The following NEK10 variants were observed in gnomAD, a reference collection of about 807,000 sequenced individuals.
NEK10 encodes the protein NIMA related kinase 10.
A neutral mutation model predicts 159.8 loss-of-function variants in NEK10; 122 were observed. The ratio of observed to expected loss-of-function variants is 0.76; its 90% CI spans 0.66 to 0.89. The LOEUF (loss-of-function observed/expected upper bound fraction) is 0.89, where lower values mean the gene tolerates loss of function less well. NEK10 is among the 40% of genes least tolerant of loss of function. The pLI, the probability that NEK10 is intolerant of heterozygous loss-of-function variation, is 0.00. For synonymous variants in NEK10, 466 were observed against 457.1 expected (o/e 1.02, Z -0.25); for missense variants, 1,342 against 1,323.1 (o/e 1.01, Z -0.22).
chr3:27,252,801 C>T (rs1053608916), intron 23 of NEK10: 2 of 449,720 alleles, frequency 4.4e-6, no homozygotes, highest in African/African-American at 2.0e-5. Flanking sequence ...GATGAAACAG[C>T]TAGGAATTGT....
chr3:27,162,506 A>G (rs1946108601), intron 30 of NEK10, 195 bp downstream of exon 30: 1 of 1,614,180 alleles, frequency 6.2e-7, no homozygotes, highest in African/African-American at 1.3e-5. Context: ...AGGCTATGGG[A>G]CTGCCACCCT....
intron 22 of NEK10, among the ~76,000 whole-genome samples, chr3:27,272,164 C>G (rs1301940295): frequency 6.6e-6 from 1 of 152,194 alleles, no homozygotes; most frequent in Non-Finnish European, 1.5e-5. Flanking sequence ...TGTTCACAAC[C>G]TTTCACCCAT....
At chr3:27,181,091 A>G (rs1948054672) in intron 26 of NEK10, among the ~76,000 whole-genome samples, 1 of 151,976 alleles carries the variant, frequency 6.6e-6, no homozygotes, top group African/African-American at 2.4e-5. Flanking sequence ...GCCTTCAGAT[A>G]TTTGCAGAGG....
chr3:27,291,280 A>G lies in NEK10; in HGVS notation c.1587T>C (p.Ala529=). 6.2e-7 allele frequency: 1 copy of G among 1,613,440 alleles called. No homozygotes were observed. The highest frequency in any genetic ancestry group is 8.5e-7 in the Non-Finnish European group (1 of 1,179,750). Residue 529 remains alanine, a synonymous_variant, in exon 18 of 36, where the codon GCT becomes GCC. Transcript: ENST00000691995. ...AAGTCACCTTGTAAACACAGCCAAA[A>G]GCTCCACTTCCAAGATGATCCAAAA... The part of the protein sequence containing the change: ...YAILDHLGSG[A]FGCVYKVRKH...
chr3:27,154,787 G>C (rs777180090), intron 30 of NEK10, among the ~76,000 whole-genome samples: 5 of 152,088 alleles, frequency 3.3e-5, no homozygotes, highest in Non-Finnish European at 7.4e-5. Context: ...TGGCATACAA[G>C]GGACATACCT....
intron 6 of NEK10, 26 bp from the exon 7 acceptor site, chr3:27,314,364 C>G: frequency 6.7e-7 from 1 of 1,484,762 alleles, no homozygotes; most frequent in Non-Finnish European, 9.3e-7. Context: ...CAACAAAACA[C>G]ATGTAAATGA....
At chr3:27,269,625 C>T (rs1158030178) in intron 22 of NEK10, among the ~76,000 whole-genome samples, 2 of 152,156 alleles carry the variant, frequency 1.3e-5, no homozygotes, top group Non-Finnish European at 2.9e-5. Context: ...ATAATGTGAA[C>T]ACAACGTGTA....
chr3:27,136,103 ATTTT>A (rs775843715), intron 31 of NEK10, among the ~76,000 whole-genome samples: 58 of 60,694 alleles, frequency 9.6e-4, no homozygotes, highest in African/African-American at 3.1e-3. Context: ...TAGGAGATCG[ATTTT>A]TTTTTTTTTT....
intron 23 of NEK10, among the ~76,000 whole-genome samples, chr3:27,221,135 T>C (rs1324972418): frequency 6.6e-6 from 1 of 152,218 alleles, no homozygotes; most frequent in Non-Finnish European, 1.5e-5. Context: ...GAATGACTCT[T>C]AAGCACAAGC....
At chr3:27,276,957 C>T (rs1468105975) in intron 22 of NEK10, among the ~76,000 whole-genome samples, 2 of 152,202 alleles carry the variant, frequency 1.3e-5, no homozygotes, top group Non-Finnish European at 2.9e-5. Flanking sequence ...TCAACAGTCT[C>T]TCTTACAATG....
intron 25 of NEK10, 72 bp from the exon 26 acceptor site, chr3:27,192,314 G>C: frequency 9.2e-7 from 1 of 1,089,788 alleles, no homozygotes; most frequent in African/African-American, 1.6e-5. Context: ...AAAGGGTCAA[G>C]GTTAAACTCC....
At chr3:27,213,351 A>C (rs1951185354) in intron 23 of NEK10, among the ~76,000 whole-genome samples, 1 of 152,048 alleles carries the variant, frequency 6.6e-6, no homozygotes, top group Non-Finnish European at 1.5e-5. Flanking sequence ...ATTAAAACTG[A>C]TCTTTGCTGT....
intron 29 of NEK10, among the ~76,000 whole-genome samples, chr3:27,169,634 T>C (rs1234627989): frequency 7.9e-5 from 12 of 152,196 alleles, no homozygotes; most frequent in Admixed American, 6.5e-4. Context: ...AAGAAAAGGA[T>C]TTGTCTATAG....
chr3:27,138,356 A>T (rs1380811020), intron 31 of NEK10, among the ~76,000 whole-genome samples: 1 of 152,198 alleles, frequency 6.6e-6, no homozygotes, highest in Non-Finnish European at 1.5e-5. Context: ...CCAGAGGGAC[A>T]CTTCGCTTCA....
intron 19 of NEK10, among the ~76,000 whole-genome samples, chr3:27,288,852 T>A (rs1283654172): frequency 6.6e-6 from 1 of 152,182 alleles, no homozygotes; most frequent in Admixed American, 6.5e-5. Flanking sequence ...CACGTCTTTT[T>A]GAAGGGAGAT....
chr3:27,309,711 G>C (rs1465457163), intron 9 of NEK10: 1 of 152,206 alleles, frequency 6.6e-6, no homozygotes, highest in East Asian at 1.9e-4. Context: ...AACTCACTTT[G>C]AGCCAGGCAT....
chr3:27,270,330 C>T (rs1199758305), intron 22 of NEK10, among the ~76,000 whole-genome samples: 1 of 152,062 alleles, frequency 6.6e-6, no homozygotes. Context: ...AAACCCAGAA[C>T]CCATTGCCAG....
chr3:27,343,841 A>T (rs1476372949), intron 5 of NEK10, among the ~76,000 whole-genome samples: 2 of 152,222 alleles, frequency 1.3e-5, no homozygotes. Flanking sequence ...AAACATCTTT[A>T]TGAGGCTGTG....
At chr3:27,331,618 G>T (rs1427199859) in intron 5 of NEK10, among the ~76,000 whole-genome samples, 1 of 152,176 alleles carries the variant, frequency 6.6e-6, no homozygotes, top group African/African-American at 2.4e-5. Context: ...GGTAAAGCTT[G>T]AAAGGAAAAG....
Sources: allele counts gnomAD v4.1 joint callset (sites outside exome capture counted in the v4.1 genomes callset), GRCh38; gene constraint gnomAD v4.1.1; transcripts MANE v1.5; gene names NCBI Gene and HGNC (gene_info 2026-07-23, HGNC 2026-07-21).